Variants in DNMT3A observed in about 807,000 individuals in gnomAD.
The protein encoded by DNMT3A is DNA (cytosine-5)-methyltransferase 3A.
DNMT3A carries 267 observed loss-of-function variants against 117.6 expected under a neutral mutation model. The observed-to-expected ratio is 2.27, with a 90% CI of 2.05 to 2.51. DNMT3A has a LOEUF of 2.51. Among genes scored for constraint, DNMT3A ranks in the 30% most tolerant of loss-of-function variants. DNMT3A has a pLI of 0.00. For missense variants in DNMT3A, 1,029 were observed against 1,260.2 expected (o/e 0.82, Z 2.78); for synonymous variants, 432 against 474.8 (o/e 0.91, Z 1.17).
upstream of DNMT3A, among the ~76,000 whole-genome samples, chr2:25,342,249 T>C (rs1193372512): frequency 1.3e-4 from 19 of 147,530 alleles, no homozygotes; most frequent in Non-Finnish European, 1.8e-4. The surrounding 1 kb of genome is among the most constrained non-coding windows in gnomAD (Gnocchi z 5.9). Flanking sequence ...TCCCGGCCTC[T>C]GCGGCCCCGC....
At chr2:25,303,049 T>C (rs182211077) in intron 2 of DNMT3A, among the ~76,000 whole-genome samples, 3 of 152,340 alleles carry the variant, frequency 2.0e-5, no homozygotes, top group Admixed American at 2.0e-4. Context: ...CCCCTTTGTC[T>C]GTTTTGTTTA....
At position 25,320,658 on chromosome 2, in the gene DNMT3A, G is replaced by A. The variant is rs556268628; in HGVS notation, c.-177-6497C>T. On this transcript the variant is annotated intron_variant, in intron 1 of 22. Transcript: ENST00000321117. ...TTATTAACTTCAGGGAAAAAAAAACGAAAAGAAACTATTACAGTGCACCAC... is the reference window on the plus strand; with the variant it reads ...TTATTAACTTCAGGGAAAAAAAAACAAAAAGAAACTATTACAGTGCACCAC... 1.5e-3 allele frequency among the ~76,000 whole-genome samples: 234 copies of A among 152,028 alleles called. 1 individual carries two copies. Among genetic ancestry groups the A allele is most frequent in the African/African-American group, 5.1e-3 (211 of 41,492 alleles).
intron 1 of DNMT3A, among the ~76,000 whole-genome samples, chr2:25,324,767 G>A (rs539409211): frequency 8.5e-5 from 13 of 152,294 alleles, no homozygotes; most frequent in Middle Eastern, 3.4e-3. Flanking sequence ...GGAGGGAGAG[G>A]GAGGGGGGTC....
At position 25,281,563 on chromosome 2, in the gene DNMT3A, C is replaced by G; in HGVS notation, c.448+878G>C. 4 of 1,062,550 alleles carry G rather than the reference C, an allele frequency of 3.8e-6. No homozygotes were observed. Among genetic ancestry groups the G allele is most frequent in the Non-Finnish European group, 4.6e-6 (4 of 877,552 alleles). 65.8% of individuals were successfully genotyped at this position (1,062,550 alleles called of 1,614,324 possible). On this transcript the variant is annotated intron_variant, in intron 4 of 22. Coordinates refer to ENST00000321117, the MANE Select transcript of DNMT3A (RefSeq NM_022552.5). The surrounding 1 kb of genome is among the most constrained non-coding windows in gnomAD (Gnocchi z 4.8). ...ATCAATTTACTCATTTCATCATACACGCTTGGAAGGAAGACTTTTTGAAAT... is the reference window on the plus strand; with the variant it reads ...ATCAATTTACTCATTTCATCATACAGGCTTGGAAGGAAGACTTTTTGAAAT...
rs760959622 is a variant in DNMT3A at position 25,240,368 on chromosome 2, G to C, written c.2256C>G (p.Phe752Leu). The change falls in exon 19 of 23, where the codon TTC (phenylalanine) becomes TTG (leucine). Residue 752 changes from phenylalanine (F) to leucine (L), a missense_variant. Phe to Leu is a conservative substitution (Grantham distance 22). Transcript: ENST00000321117. ...RPKEGDDRPF[F>L]WLFENVVAMG... ...TGGCCACCACATTCTCAAAGAGCCA[G>C]AAGAAGGGGCGATCATCTCCCTCCT... 3 of 1,613,920 alleles carry C rather than the reference G, an allele frequency of 1.9e-6. No individual in the cohort carries two copies. The highest frequency in any genetic ancestry group is 1.3e-5 in the African/African-American group (1 of 74,928).
At chr2:25,245,668 G>A (rs920208074) in intron 12 of DNMT3A, among the ~76,000 whole-genome samples, 1 of 152,222 alleles carries the variant, frequency 6.6e-6, no homozygotes, top group East Asian at 1.9e-4. Context: ...CAGGCCGAGG[G>A]TCCTGAGCCA....
At chr2:25,303,344 G>A (rs1157159153) in intron 2 of DNMT3A, among the ~76,000 whole-genome samples, 7 of 152,208 alleles carry the variant, frequency 4.6e-5, no homozygotes, top group African/African-American at 1.7e-4. Context: ...TGGGGGCCCC[G>A]ACAGGCCACC....
intron 12 of DNMT3A, among the ~76,000 whole-genome samples, 179 bp downstream of exon 12, chr2:25,245,841 T>C (rs922623557): frequency 1.3e-5 from 2 of 152,168 alleles, no homozygotes; most frequent in Non-Finnish European, 2.9e-5. Context: ...GCCCACGCCA[T>C]TGACAGGAGA....
At chr2:25,328,496 G>A (rs1450244304) in intron 1 of DNMT3A, 1 of 380,238 alleles carries the variant, frequency 2.6e-6, no homozygotes, top group African/African-American at 2.1e-5. Context: ...CCACCCAGGG[G>A]TCATTGAGTG....
intron 4 of DNMT3A, among the ~76,000 whole-genome samples, chr2:25,280,727 C>G (rs778195106): frequency 1.8e-4 from 27 of 152,180 alleles, no homozygotes; most frequent in Non-Finnish European, 3.5e-4. Flanking sequence ...ATAGTTTCCC[C>G]AGTCCCTGGT....
intron 6 of DNMT3A, among the ~76,000 whole-genome samples, chr2:25,248,720 G>A (rs113786391): frequency 5.1e-4 from 78 of 151,980 alleles, no homozygotes; most frequent in African/African-American, 1.4e-3. Flanking sequence ...GCTAATTTTT[G>A]TATTTTTAGT....
intron 2 of DNMT3A, among the ~76,000 whole-genome samples, chr2:25,308,347 C>A (rs543135797): frequency 6.6e-6 from 1 of 152,292 alleles, no homozygotes; most frequent in African/African-American, 2.4e-5. Flanking sequence ...TTCCAAGTCA[C>A]GTGACAGAGT....
At chr2:25,242,850 T>C (rs1674242119) in intron 16 of DNMT3A, among the ~76,000 whole-genome samples, 1 of 152,102 alleles carries the variant, frequency 6.6e-6, no homozygotes, top group Non-Finnish European at 1.5e-5. Flanking sequence ...TCCTAAAGGT[T>C]TTCCTAAGGA....
rs1204158555 is a variant in DNMT3A at position 25,289,106 on chromosome 2, CT to C, written c.178-6396del. On this transcript the variant is annotated intron_variant, in intron 3 of 22. Transcript: ENST00000321117. ...CGACTGTGAGCCTTGCCTTATTTAA[CT>C]TTTTTTTTTTTTTTTGAGACCGAGT... Among the ~76,000 whole-genome samples the C allele has an allele frequency of 5.7e-3, 812 of 143,696 alleles. 4 individuals are homozygous for C. Among genetic ancestry groups the C allele is most frequent in the South Asian group, 0.024 (110 of 4,530 alleles). 94.3% of individuals were successfully genotyped at this position (143,696 alleles called of 152,430 possible). A position where few individuals can be genotyped will look rare whatever the true frequency, so the allele number is the denominator to read the frequency against.
At chr2:25,255,596 A>G (rs970975911) in intron 6 of DNMT3A, among the ~76,000 whole-genome samples, 3 of 152,196 alleles carry the variant, frequency 2.0e-5, no homozygotes, top group African/African-American at 7.2e-5. Flanking sequence ...AAGCCCGACA[A>G]AAATACCTCT....
chr2:25,247,234 G>C lies in DNMT3A; in HGVS notation c.1015-76C>G. On this transcript the variant is annotated intron_variant, in intron 8 of 22. Transcript: ENST00000321117. This position sits in a 1 kb window ranked among gnomAD's most constrained non-coding sequence, Gnocchi z 5.6. ...CCACCCCATGCCTTGCAACTGGCAG[G>C]GGCTGGGAGCCTCGAGAGTCAGTCT... 6.9e-7 allele frequency: 1 copy of C among 1,456,326 alleles called. No homozygotes were observed. The highest frequency in any genetic ancestry group is 9.5e-7 in the Non-Finnish European group (1 of 1,051,282). The allele number at this position is 1,456,326 out of a possible 1,614,324, so 90.2% of individuals were successfully genotyped here.
At chr2:25,246,573 T>A (rs1674797687) in intron 10 of DNMT3A, 47 bp downstream of exon 10, 1 of 1,586,292 alleles carries the variant, frequency 6.3e-7, no homozygotes, top group African/African-American at 1.3e-5. Context: ...CTGGTGTGGA[T>A]CTGCCTGGCG....
Position 25,246,236 on chromosome 2 carries a change from A to C in DNMT3A, c.1353T>G (p.Pro451=), listed in dbSNP as rs756669981. The C allele has an allele frequency of 6.2e-7, 1 of 1,614,112 alleles. No homozygotes were observed. ...TCTTCCGGGGCTTTTTGGCTGGTGG[A>C]GGTGGTGCGTAGGCAGCTGCCTCAG... is the stretch of plus-strand genomic sequence containing the variant. ...VEPEAAAYAP[P]PPAKKPRKST... The change falls in exon 11 of 23, where the codon CCT becomes CCG. Residue 451 remains proline (P), a synonymous_variant. Coordinates refer to ENST00000321117, the MANE Select transcript of DNMT3A (RefSeq NM_022552.5).
intron 6 of DNMT3A, among the ~76,000 whole-genome samples, chr2:25,264,297 G>A (rs1009231248): frequency 2.0e-5 from 3 of 151,508 alleles, no homozygotes; most frequent in Non-Finnish European, 4.4e-5. Flanking sequence ...GTGCCACCAC[G>A]CCCAGCTAAT....
Sources: gnomAD v4.1 joint callset for allele counts (sites outside exome capture counted in the v4.1 genomes callset) on GRCh38, gnomAD v4.1.1 for gene constraint, Gnocchi (gnomAD v3.1) non-coding constraint, MANE v1.5 for transcripts, NCBI Gene and HGNC (gene_info 2026-07-23, HGNC 2026-07-21) for gene names.